The following GRID2 variants were observed in gnomAD, a reference collection of about 807,000 sequenced individuals.
GRID2 encodes the protein glutamate ionotropic receptor delta type subunit 2, also known as glutamate receptor ionotropic, delta-2.
In GRID2, 33 loss-of-function variants were observed where a neutral mutation model predicts 114.8. That is an observed-to-expected ratio of 0.29 (90% CI 0.22 to 0.38). The LOEUF (loss-of-function observed/expected upper bound fraction) is 0.38. Ranked by LOEUF, GRID2 falls within the 10% of genes least tolerant of loss-of-function variation. The pLI is 1.00. For missense variants in GRID2, 1,184 were observed against 1,257.7 expected, an observed-to-expected ratio of 0.94 and a Z score of 0.89; for synonymous variants, 505 against 449.9, an observed-to-expected ratio of 1.12 and a Z score of -1.55.
At chr4:93,023,135 G>A (rs1354411968) in intron 2 of GRID2, among the ~76,000 whole-genome samples, 1 of 150,082 alleles carries the variant, frequency 6.7e-6, no homozygotes, top group Non-Finnish European at 1.5e-5. Flanking sequence ...GTATGTATGT[G>A]TGTGTGTGTG....
chr4:93,137,966 GTT>G (rs753814961), intron 4 of GRID2, among the ~76,000 whole-genome samples: 9 of 78,404 alleles, frequency 1.1e-4, no homozygotes, highest in African/African-American at 3.2e-4. Flanking sequence ...TTTTTTCTTC[GTT>G]TTTTTTTTTT....
intron 2 of GRID2, among the ~76,000 whole-genome samples, chr4:92,785,594 T>A (rs1739283738): frequency 6.6e-6 from 1 of 151,798 alleles, no homozygotes; most frequent in Non-Finnish European, 1.5e-5. Flanking sequence ...GAAGAATTAA[T>A]CTTGATTGTT....
intron 14 of GRID2, among the ~76,000 whole-genome samples, chr4:93,725,591 G>C (rs1181724135): frequency 2.6e-5 from 4 of 151,044 alleles, no homozygotes; most frequent in Admixed American, 6.6e-5. Flanking sequence ...CTAGTTGACA[G>C]TCCCACCAAC....
chr4:93,560,475 A>C (rs544440186), intron 13 of GRID2, among the ~76,000 whole-genome samples: 31 of 151,916 alleles, frequency 2.0e-4, no homozygotes, highest in Non-Finnish European at 4.0e-4. Context: ...AAACAACCAG[A>C]TCTCATGTGA....
chr4:93,645,650 C>A (rs1381505762), intron 14 of GRID2, among the ~76,000 whole-genome samples: 1 of 152,152 alleles, frequency 6.6e-6, no homozygotes, highest in African/African-American at 2.4e-5. Flanking sequence ...TCATCCCTTT[C>A]TCTCCAGACT....
chr4:92,505,935 C>T (rs1269599610), intron 1 of GRID2, among the ~76,000 whole-genome samples: 1 of 151,836 alleles, frequency 6.6e-6, no homozygotes, highest in Non-Finnish European at 1.5e-5. Context: ...TAGAAGCTGG[C>T]ATTTATTATA....
chr4:92,719,523 G>A (rs1360288331), intron 2 of GRID2, among the ~76,000 whole-genome samples: 1 of 152,024 alleles, frequency 6.6e-6, no homozygotes, highest in Admixed American at 6.6e-5. Flanking sequence ...AAACAACATT[G>A]CTTAATAGCA....
chr4:93,071,625 TC>T (rs1728811944), intron 2 of GRID2, among the ~76,000 whole-genome samples: 2 of 151,998 alleles, frequency 1.3e-5, no homozygotes, highest in South Asian at 4.1e-4. Context: ...TGAGGAGTAC[TC>T]CACACAGAAG....
At chr4:93,578,841 C>T (rs1184253720) in intron 13 of GRID2, among the ~76,000 whole-genome samples, 1 of 152,168 alleles carries the variant, frequency 6.6e-6, no homozygotes, top group African/African-American at 2.4e-5. Flanking sequence ...GATCTGCCCG[C>T]CTCGGCCTCC....
intron 2 of GRID2, among the ~76,000 whole-genome samples, chr4:92,895,182 T>C (rs1747069989): frequency 1.3e-5 from 2 of 151,694 alleles, no homozygotes; most frequent in Non-Finnish European, 2.9e-5. Flanking sequence ...AACATTAAAA[T>C]GGATAAATCT....
chr4:92,666,023 C>A (rs1254834347), intron 2 of GRID2, among the ~76,000 whole-genome samples: 1 of 151,428 alleles, frequency 6.6e-6, no homozygotes, highest in Non-Finnish European at 1.5e-5. Flanking sequence ...TCATTTTCTT[C>A]TCCTTCGGAG....
chr4:93,452,410 G>A (rs978354797), intron 10 of GRID2, among the ~76,000 whole-genome samples: 2 of 152,170 alleles, frequency 1.3e-5, no homozygotes, highest in Admixed American at 6.5e-5. Context: ...ATGTGGTAAT[G>A]TGGAGTAACC....
chr4:92,375,632 A>AT (rs147006378), intron 1 of GRID2, among the ~76,000 whole-genome samples: 3,649 of 152,046 alleles, frequency 0.024, 124 homozygotes, highest in African/African-American at 0.081. Context: ...TGTTGAACAC[A>AT]TTTTTTTTGT....
In GRID2 at chr4:92,411,655, G is replaced by GTATATATATATATA. The variant is rs70940887; in HGVS notation, c.88+106921_88+106934dup. Reference sequence around the variant, plus strand: ...TGTGTGTGTGTGTGTGTGTGTGTGTGTATATATATATATATATATATATGA... The same window carrying GTATATATATATATA: ...TGTGTGTGTGTGTGTGTGTGTGTGTGTATATATATATATATATATATATATATATATATATATGA... On this transcript the variant is annotated intron_variant, in intron 1 of 15. Coordinates refer to ENST00000282020, the MANE Select transcript of GRID2 (RefSeq NM_001510.4). Among the ~76,000 whole-genome samples the GTATATATATATATA allele has an allele frequency of 9.2e-4, 78 of 84,688 alleles. 2 individuals carry two copies. The highest frequency in any genetic ancestry group is 6.5e-3 in the Middle Eastern group (1 of 154). 55.6% of individuals were successfully genotyped at this position (84,688 alleles called of 152,430 possible). A position where few individuals can be genotyped will look rare whatever the true frequency, so the allele number is the denominator to read the frequency against.
chr4:93,410,357 A>G (rs1354209405), intron 9 of GRID2, among the ~76,000 whole-genome samples: 1 of 152,018 alleles, frequency 6.6e-6, no homozygotes, highest in African/African-American at 2.4e-5. Flanking sequence ...TTTGTCATTT[A>G]TTTTTATCCT....
intron 1 of GRID2, among the ~76,000 whole-genome samples, chr4:92,546,845 A>G (rs1726288133): frequency 6.6e-6 from 1 of 152,156 alleles, no homozygotes; most frequent in African/African-American, 2.4e-5. Context: ...CTTGAGAATG[A>G]TTTTCAGAAC....
chr4:93,790,045 A>G (rs965018128), intron 1 of GRID2, among the ~76,000 whole-genome samples: 49 of 152,088 alleles, frequency 3.2e-4, no homozygotes, highest in South Asian at 8.3e-4. Flanking sequence ...CTGAGGTGGA[A>G]CAGTTTCATC....
chr4:93,471,698 A>ATTT (rs897411033), intron 11 of GRID2, among the ~76,000 whole-genome samples: 4,669 of 60,980 alleles, frequency 0.077, 1,414 homozygotes, highest in East Asian at 0.62. Context: ...CCTGAATTCA[A>ATTT]TTTTTTTTTT....
intron 2 of GRID2, among the ~76,000 whole-genome samples, chr4:92,945,393 C>A (rs1052437505): frequency 6.6e-6 from 1 of 150,862 alleles, no homozygotes; most frequent in African/African-American, 2.4e-5. Flanking sequence ...GTTTTTTTTT[C>A]CCAATGGGAG....
Sources: gnomAD v4.1 joint callset for allele counts (sites outside exome capture counted in the v4.1 genomes callset) on GRCh38, gnomAD v4.1.1 for gene constraint, MANE v1.5 for transcripts, NCBI Gene and HGNC (gene_info 2026-07-23, HGNC 2026-07-21) for gene names.